SLFN11: variants seen among roughly 807,000 people sequenced by gnomAD.
SLFN11 encodes schlafen family member 11.
SLFN11 carries 43 observed loss-of-function variants against 53.4 expected under a neutral mutation model. The ratio of observed to expected loss-of-function variants is 0.80; its 90% CI spans 0.63 to 1.04. The LOEUF is 1.04. Among genes scored for constraint, SLFN11 ranks in the 50% least tolerant of loss-of-function variants. The probability of loss-of-function intolerance (pLI) is 0.00; values close to 1 mark genes in which losing one functional copy is unlikely to be tolerated. For missense variants in SLFN11, 990 were observed against 1,079.1 expected, an observed-to-expected ratio of 0.92 and a Z score of 1.16; for synonymous variants, 389 against 394.7, an observed-to-expected ratio of 0.99 and a Z score of 0.17.
In SLFN11 at chr17:35,352,001, A is replaced by G. The variant is rs1266563733; in HGVS notation, c.*355T>C. On this transcript the variant is annotated 3_prime_UTR_variant, in exon 7 of 7. Transcript: ENST00000685675. ...AGCAACAAACTGCATGAAGTCACTT[A>G]AAAAAAGAAGCCCAGCCTTGGAAGA... The G allele has an allele frequency of 4.4e-6, 1 of 229,532 alleles. No homozygotes were observed. The highest frequency in any genetic ancestry group is 5.0e-5 in the Admixed American group (1 of 19,914). 14.2% of individuals were successfully genotyped at this position (229,532 alleles called of 1,614,324 possible).
At chr17:35,360,871 G>C (rs1383356192) in intron 4 of SLFN11, among the ~76,000 whole-genome samples, 1 of 152,122 alleles carries the variant, frequency 6.6e-6, no homozygotes, top group African/African-American at 2.4e-5. Context: ...TCAAGAGACT[G>C]AAGTGAGAGG....
At chr17:35,364,890 C>T (rs1424170586) in intron 3 of SLFN11, among the ~76,000 whole-genome samples, 1 of 152,002 alleles carries the variant, frequency 6.6e-6, no homozygotes, top group Non-Finnish European at 1.5e-5. Flanking sequence ...ATACGCACAA[C>T]TTGTTCACTA....
intron 4 of SLFN11, among the ~76,000 whole-genome samples, chr17:35,362,211 C>T (rs1025918684): frequency 6.6e-6 from 1 of 152,080 alleles, no homozygotes; most frequent in Admixed American, 6.6e-5. Flanking sequence ...GTTGGAAAGC[C>T]ATGCACAGTA....
At chr17:35,368,632 G>A (rs1263937340) in intron 1 of SLFN11, among the ~76,000 whole-genome samples, 3 of 152,056 alleles carry the variant, frequency 2.0e-5, no homozygotes, top group Admixed American at 2.0e-4. Flanking sequence ...AGGCTTGGAG[G>A]GCACACGACC....
chr17:35,361,511 G>C (rs1039909890), intron 4 of SLFN11, among the ~76,000 whole-genome samples: 1 of 151,824 alleles, frequency 6.6e-6, no homozygotes, highest in African/African-American at 2.4e-5. Flanking sequence ...ACCCATGCTG[G>C]GGTGCATTGC....
intron 1 of SLFN11, among the ~76,000 whole-genome samples, chr17:35,373,153 C>T (rs1291597236): frequency 1.3e-5 from 2 of 152,074 alleles, no homozygotes; most frequent in Non-Finnish European, 2.9e-5. Flanking sequence ...GCTTCGGTTC[C>T]TGCTCCGCGC....
Position 35,350,364 on chromosome 17 carries a change from A to G in SLFN11, c.*1992T>C, listed in dbSNP as rs1165808146. ...TTTTTATTTAAAACAGAAATGCAGT[A>G]GTAAGCTAAACCTTTTGCCATTCAT... On this transcript the variant is annotated 3_prime_UTR_variant, in exon 7 of 7. Transcript: ENST00000685675. 1.3e-5 allele frequency: 2 copies of G among 152,232 alleles called. No individual in the cohort carries two copies. The highest frequency in any genetic ancestry group is 2.9e-5 in the Non-Finnish European group (2 of 68,038). The allele number at this position is 152,232 out of a possible 1,614,324, so 9.4% of individuals were successfully genotyped here.
chr17:35,367,633 C>G lies in SLFN11; in HGVS notation c.-167G>C, dbSNP rs994454676. On this transcript the variant is annotated 5_prime_UTR_variant, in exon 2 of 7. Transcript: ENST00000685675. ...AGTGTAGCCAGAGTTCCCACCAACA[C>G]AGTGAATTAGCACCACCTGCTATCT... is the stretch of plus-strand genomic sequence containing the variant. 2 of 152,164 alleles carry G rather than the reference C, an allele frequency of 1.3e-5. No individual in the cohort carries two copies. Among genetic ancestry groups the G allele is most frequent in the Non-Finnish European group, 1.5e-5 (1 of 68,042 alleles). 9.4% of individuals were successfully genotyped at this position (152,164 alleles called of 1,614,324 possible).
chr17:35,361,864 C>A (rs1908265470), intron 4 of SLFN11, among the ~76,000 whole-genome samples: 1 of 152,022 alleles, frequency 6.6e-6, no homozygotes, highest in African/African-American at 2.4e-5. Flanking sequence ...TCTGCTTCAG[C>A]CTCCCAAGTA....
At chr17:35,358,545 C>A (rs9896228) in intron 5 of SLFN11, among the ~76,000 whole-genome samples, 1 of 150,922 alleles carries the variant, frequency 6.6e-6, no homozygotes, top group Non-Finnish European at 1.5e-5. Flanking sequence ...CATATATATA[C>A]ATGTAAATAT....
chr17:35,362,025 A>G (rs1465288228), intron 4 of SLFN11, among the ~76,000 whole-genome samples: 2 of 152,074 alleles, frequency 1.3e-5, no homozygotes, highest in African/African-American at 2.4e-5. Context: ...TGAGCCACCA[A>G]GCCCAGCCCA....
chr17:35,353,903 T>C lies in SLFN11; in HGVS notation c.1355A>G (p.Gln452Arg), dbSNP rs979339858. The C allele has an allele frequency of 3.7e-6, 6 of 1,613,724 alleles. No homozygotes were observed. The Admixed American group carries it at 5.0e-5, about 13-fold the overall frequency. Reference protein sequence around the residue: ...SRSWAVDLNLQEKPGVICDAL... With the variant: ...SRSWAVDLNLREKPGVICDAL... The stretch of plus-strand genomic sequence containing the variant: ...ATCACAGATGACTCCTGGCTTCTCC[T>C]GCAAGTTCAGGTCCACAGCCCAACT... The change falls in exon 6 of 7, where the codon CAG becomes CGG. Residue 452 changes from glutamine to arginine, a missense_variant. By Grantham distance (43) the Gln-to-Arg change is conservative. Around this residue, in one of 3 missense-constraint regions of SLFN11, gnomAD observed 156 missense variants for 241.9 expected, o/e 0.64. Transcript: ENST00000685675.
chr17:35,360,423 A>T, intron 4 of SLFN11, 52 bp from the exon 5 acceptor site: 4 of 1,488,812 alleles, frequency 2.7e-6, no homozygotes, highest in African/African-American at 1.4e-5. Context: ...TTCATACTGA[A>T]AGAGGCTCTA....
intron 4 of SLFN11, 51 bp downstream of exon 4, chr17:35,362,688 G>A: frequency 7.1e-7 from 1 of 1,410,988 alleles, no homozygotes; most frequent in East Asian, 2.3e-5. Context: ...TAATATGGGA[G>A]GTCCCAAGGA....
chr17:35,362,630 GTT>G, intron 4 of SLFN11, 107 bp downstream of exon 4: 1 of 803,038 alleles, frequency 1.2e-6, no homozygotes, highest in Non-Finnish European at 1.9e-6. Flanking sequence ...AAAATAAAGT[GTT>G]CAGTGGATGT....
chr17:35,370,070 A>C (rs921192485), intron 1 of SLFN11, among the ~76,000 whole-genome samples: 1 of 152,058 alleles, frequency 6.6e-6, no homozygotes, highest in Non-Finnish European at 1.5e-5. Flanking sequence ...AAAATTATGG[A>C]CCAGTATCTC....
At chr17:35,357,699 T>TTA (rs1225521969) in intron 5 of SLFN11, among the ~76,000 whole-genome samples, 2 of 145,828 alleles carry the variant, frequency 1.4e-5, no homozygotes, top group African/African-American at 5.0e-5. Context: ...TTTTTATTAT[T>TTA]TATATATATA....
At chr17:35,372,973 C>T (rs1210182270) in intron 1 of SLFN11, among the ~76,000 whole-genome samples, 1 of 152,052 alleles carries the variant, frequency 6.6e-6, no homozygotes, top group Non-Finnish European at 1.5e-5. Flanking sequence ...AGGGCAATGG[C>T]AATTCTAATT....
Position 35,369,360 on chromosome 17 carries a change from G to C in SLFN11, c.-234-1660C>G, listed in dbSNP as rs1038066855. On this transcript the variant is annotated intron_variant, in intron 1 of 6. Transcript: ENST00000685675. ...GAACCCGTGGTTGTGTTGGCCACAGGGTCATCTCCTCTGCCTGTGGAAAAA... is the reference window on the plus strand; with the variant it reads ...GAACCCGTGGTTGTGTTGGCCACAGCGTCATCTCCTCTGCCTGTGGAAAAA... Among the ~76,000 whole-genome samples the C allele has an allele frequency of 2.0e-5, 3 of 152,182 alleles. No homozygotes were observed. The East Asian group carries it at 5.8e-4, about 29-fold the overall frequency.
Sources: gnomAD v4.1 joint callset for allele counts (sites outside exome capture counted in the v4.1 genomes callset) on GRCh38, gnomAD v4.1.1 for gene constraint, gnomAD v4.1.1 regional missense constraint, MANE v1.5 for transcripts, NCBI Gene and HGNC (gene_info 2026-07-23, HGNC 2026-07-21) for gene names.